Variants in VAX2 observed in about 807,000 individuals in gnomAD.
VAX2 encodes the protein ventral anterior homeobox 2.
A neutral mutation model predicts 12.5 loss-of-function variants in VAX2; 8 were observed. That is an observed-to-expected ratio of 0.64 (90% CI 0.37 to 1.15). VAX2 has a LOEUF of 1.15. Ranked by LOEUF, VAX2 falls within the 50% of genes most tolerant of loss-of-function variation. The pLI is 0.01. For synonymous variants in VAX2, 183 were observed against 187.6 expected (o/e 0.98, Z 0.20); for missense variants, 476 against 412.9 (o/e 1.15, Z -1.32).
intron 1 of VAX2, among the ~76,000 whole-genome samples, chr2:70,905,251 T>A (rs1007511257): frequency 6.6e-6 from 1 of 152,128 alleles, no homozygotes; most frequent in African/African-American, 2.4e-5. Context: ...AAGGTGTAAA[T>A]GGTTCATGCA....
intron 2 of VAX2, among the ~76,000 whole-genome samples, chr2:70,929,409 C>T (rs1160966371): frequency 2.0e-5 from 3 of 152,208 alleles, no homozygotes; most frequent in African/African-American, 7.2e-5. Context: ...TTAGAAAAGG[C>T]CTGGAGCGGT....
intron 2 of VAX2, among the ~76,000 whole-genome samples, chr2:70,926,883 G>T (rs1057293404): frequency 6.6e-6 from 1 of 152,010 alleles, no homozygotes; most frequent in African/African-American, 2.4e-5. Flanking sequence ...GGAAACTGAG[G>T]CTCCAAGAAG....
Position 70,933,404 on chromosome 2 carries a change from G to T in VAX2, c.*200G>T. ...GCGTGAGTGCAGTGTGAGTGTGTGT[G>T]TCTCTCACTGAAATAAAAGGAAAAC... On this transcript the variant is annotated 3_prime_UTR_variant, in exon 3 of 3. Transcript: ENST00000234392. 1 of 422,616 alleles carries T rather than the reference G, an allele frequency of 2.4e-6. No homozygotes were observed. The highest frequency in any genetic ancestry group is 4.1e-6 in the Non-Finnish European group (1 of 245,158). The allele number at this position is 422,616 out of a possible 1,614,324, so 26.2% of individuals were successfully genotyped here.
Position 70,900,598 on chromosome 2 carries a change from G to A in VAX2, c.-24G>A, listed in dbSNP as rs1553409557. 1.1e-5 allele frequency: 14 copies of A among 1,250,574 alleles called. No individual in the cohort carries two copies. Among genetic ancestry groups the A allele is most frequent in the African/African-American group, 1.6e-5 (1 of 64,320 alleles). 77.5% of individuals were successfully genotyped at this position (1,250,574 alleles called of 1,614,324 possible). A position where few individuals can be genotyped will look rare whatever the true frequency, so the allele number is the denominator to read the frequency against. ...GCCAGCGTAGGCTGGCTCCGCCGTAGAGGGGTTGGCAGTGGCGGTCAGCAT... is the reference window on the plus strand; with the variant it reads ...GCCAGCGTAGGCTGGCTCCGCCGTAAAGGGGTTGGCAGTGGCGGTCAGCAT... On this transcript the variant is annotated 5_prime_UTR_variant, in exon 1 of 3. Transcript: ENST00000234392.
intron 2 of VAX2, among the ~76,000 whole-genome samples, chr2:70,922,614 T>G: frequency 6.9e-6 from 1 of 144,692 alleles, no homozygotes; most frequent in Non-Finnish European, 1.5e-5. Flanking sequence ...GAGGAAGAGG[T>G]GAGAAGGGGT....
chr2:70,906,396 C>A (rs1342660620), intron 1 of VAX2, among the ~76,000 whole-genome samples: 1 of 152,108 alleles, frequency 6.6e-6, no homozygotes, highest in Non-Finnish European at 1.5e-5. Context: ...GAGTGCCAGA[C>A]TGAAGGAGTG....
chr2:70,912,987 A>T (rs1679223407), intron 1 of VAX2, among the ~76,000 whole-genome samples: 1 of 151,898 alleles, frequency 6.6e-6, no homozygotes, highest in Non-Finnish European at 1.5e-5. Flanking sequence ...CCTGGAATGA[A>T]AGCTGTTCCT....
chr2:70,922,395 T>C (rs1342080663), intron 2 of VAX2, among the ~76,000 whole-genome samples: 1 of 152,088 alleles, frequency 6.6e-6, no homozygotes, highest in Non-Finnish European at 1.5e-5. Flanking sequence ...GTCTGTGCTG[T>C]GTGGCTGCTG....
intron 1 of VAX2, among the ~76,000 whole-genome samples, chr2:70,908,098 G>A (rs1385919041): frequency 6.6e-6 from 1 of 152,212 alleles, no homozygotes. Context: ...TGTGGGATAA[G>A]TTTCTAGCAG....
At chr2:70,927,041 G>A (rs1199888700) in intron 2 of VAX2, among the ~76,000 whole-genome samples, 3 of 152,104 alleles carry the variant, frequency 2.0e-5, no homozygotes, top group African/African-American at 2.4e-5. Context: ...AACACTTACC[G>A]TGTTGTAACA....
intron 1 of VAX2, among the ~76,000 whole-genome samples, chr2:70,913,875 T>C (rs1679249987): frequency 6.6e-6 from 1 of 152,242 alleles, no homozygotes; most frequent in Admixed American, 6.5e-5. Flanking sequence ...ATATATTCAG[T>C]TGTTTTAATC....
At position 70,904,489 on chromosome 2, in the gene VAX2, T is replaced by G. The variant is rs1553410288; in HGVS notation, c.247+3621T>G. 1.4e-4 allele frequency among the ~76,000 whole-genome samples: 22 copies of G among 152,362 alleles called. No homozygotes were observed. The highest frequency in any genetic ancestry group is 1.5e-5 in the Non-Finnish European group (1 of 68,032). On this transcript the variant is annotated intron_variant, in intron 1 of 2. Coordinates refer to ENST00000234392, the MANE Select transcript of VAX2 (RefSeq NM_012476.3). This position sits in a 1 kb window ranked among gnomAD's most constrained non-coding sequence, Gnocchi z 4.2. ...CGATTTTGATAGATCCGGGAAATTCTGTCCACCAGCGTCACCCAACACAGC... is the reference window on the plus strand; with the variant it reads ...CGATTTTGATAGATCCGGGAAATTCGGTCCACCAGCGTCACCCAACACAGC...
intron 1 of VAX2, among the ~76,000 whole-genome samples, chr2:70,919,798 G>A (rs1359822050): frequency 5.9e-5 from 9 of 152,254 alleles, no homozygotes; most frequent in African/African-American, 2.2e-4. Context: ...ACTGCAGTAA[G>A]CTGAGATGCG....
chr2:70,930,110 A>T (rs577207292), intron 2 of VAX2, among the ~76,000 whole-genome samples: 1 of 152,336 alleles, frequency 6.6e-6, no homozygotes, highest in South Asian at 2.1e-4. Context: ...AGGCAAGAGG[A>T]TCACTTGAGG....
chr2:70,900,649 C>A lies in VAX2; in HGVS notation c.28C>A (p.Arg10=). The change falls in exon 1 of 3, where the codon CGG becomes AGG. Residue 10 remains arginine (R), a synonymous_variant. Transcript: ENST00000234392. MGDGGAERD[R]GPARRAESGG... ...GGGCGATGGGGGCGCCGAGCGCGAC[C>A]GGGGCCCCGCGCGCCGGGCGGAGTC... The A allele has an allele frequency of 7.8e-7, 1 of 1,278,182 alleles. No individual in the cohort carries two copies. The highest frequency in any genetic ancestry group is 9.9e-7 in the Non-Finnish European group (1 of 1,012,356). 79.2% of individuals were successfully genotyped at this position (1,278,182 alleles called of 1,614,324 possible). A position where few individuals can be genotyped will look rare whatever the true frequency, so the allele number is the denominator to read the frequency against.
At chr2:70,919,359 T>A (rs74264587) in intron 1 of VAX2, among the ~76,000 whole-genome samples, 3 of 151,762 alleles carry the variant, frequency 2.0e-5, no homozygotes, top group African/African-American at 7.2e-5. Flanking sequence ...ATGGGGATCA[T>A]ATAGTTCCAA....
chr2:70,920,750 T>C (rs1553412724), intron 1 of VAX2, among the ~76,000 whole-genome samples: 1 of 152,098 alleles, frequency 6.6e-6, no homozygotes, highest in South Asian at 2.1e-4. Context: ...TCATCCCCTA[T>C]GTACTTGAGG....
intron 1 of VAX2, among the ~76,000 whole-genome samples, chr2:70,906,144 A>G (rs1240632904): frequency 2.0e-5 from 3 of 152,222 alleles, no homozygotes; most frequent in Non-Finnish European, 4.4e-5. Flanking sequence ...CTGATAGAAG[A>G]CACCAACGCT....
chr2:70,930,335 C>T (rs1679665696), intron 2 of VAX2, among the ~76,000 whole-genome samples: 1 of 152,212 alleles, frequency 6.6e-6, no homozygotes, highest in South Asian at 2.1e-4. Context: ...TGCTTGCCAG[C>T]AAGGTTTGAG....
Sources: gnomAD v4.1 joint callset for allele counts (sites outside exome capture counted in the v4.1 genomes callset) on GRCh38, gnomAD v4.1.1 for gene constraint, Gnocchi (gnomAD v3.1) non-coding constraint, MANE v1.5 for transcripts, NCBI Gene and HGNC (gene_info 2026-07-23, HGNC 2026-07-21) for gene names.